The following ATG3 variants were observed in gnomAD, a reference collection of about 807,000 sequenced individuals.
The protein encoded by ATG3 is autophagy related 3.
ATG3 carries 25 observed loss-of-function variants against 50.7 expected under a neutral mutation model. The observed-to-expected ratio is 0.49, with a 90% CI of 0.36 to 0.69. The LOEUF (loss-of-function observed/expected upper bound fraction) is 0.69, where lower values mean the gene tolerates loss of function less well. Ranked by LOEUF, ATG3 falls within the 30% of genes least tolerant of loss-of-function variation. The pLI, the probability that ATG3 is intolerant of heterozygous loss-of-function variation, is 0.00. For missense variants in ATG3, 281 were observed against 376.0 expected (o/e 0.75, Z 2.09); for synonymous variants, 119 against 125.5 (o/e 0.95, Z 0.34).
chr3:112,561,694 G>A lies in ATG3; in HGVS notation c.-166C>T, dbSNP rs576098605. On this transcript the variant is annotated 5_prime_UTR_variant, in exon 1 of 12. Coordinates refer to ENST00000283290, the MANE Select transcript of ATG3 (RefSeq NM_022488.5). ...CGCGACGGGACGGGCGGGACGAGGG[G>A]GCGGGGCGGCAGGCACAGCGCGCGA... is the stretch of plus-strand genomic sequence containing the variant. The A allele has an allele frequency of 5.9e-6, 4 of 680,006 alleles. No homozygotes were observed. The highest frequency in any genetic ancestry group is 3.0e-5 in the East Asian group (1 of 32,940). 42.1% of individuals were successfully genotyped at this position (680,006 alleles called of 1,614,324 possible). A position where few individuals can be genotyped will look rare whatever the true frequency, so the allele number is the denominator to read the frequency against.
chr3:112,539,464 T>G (rs971529415), intron 7 of ATG3, among the ~76,000 whole-genome samples: 6 of 152,224 alleles, frequency 3.9e-5, no homozygotes, highest in African/African-American at 1.4e-4. Flanking sequence ...CTTCCAGGCT[T>G]TATTTAAATG....
chr3:112,561,234 G>A (rs377226619), intron 1 of ATG3, among the ~76,000 whole-genome samples: 1 of 152,160 alleles, frequency 6.6e-6, no homozygotes, highest in Non-Finnish European at 1.5e-5. Flanking sequence ...GAGAAGGCAG[G>A]AACACGCAGA....
intron 7 of ATG3, among the ~76,000 whole-genome samples, chr3:112,539,924 A>C (rs1294260357): frequency 6.6e-6 from 1 of 152,238 alleles, no homozygotes; most frequent in Admixed American, 6.5e-5. Context: ...ATGCTACCCC[A>C]CCACCCCAAC....
At chr3:112,550,725 G>A (rs1270833392) in intron 3 of ATG3, among the ~76,000 whole-genome samples, 1 of 152,150 alleles carries the variant, frequency 6.6e-6, no homozygotes, top group African/African-American at 2.4e-5. Flanking sequence ...CAAAATCCCT[G>A]TTCCTATCAC....
At chr3:112,548,075 C>T (rs899614876) in intron 5 of ATG3, among the ~76,000 whole-genome samples, 14 of 152,080 alleles carry the variant, frequency 9.2e-5, no homozygotes, top group Admixed American at 1.3e-4. Context: ...ATACTCTGGC[C>T]GGGCGCAGTG....
At chr3:112,551,594 T>G (rs1933530937) in intron 3 of ATG3, among the ~76,000 whole-genome samples, 1 of 152,142 alleles carries the variant, frequency 6.6e-6, no homozygotes, top group African/African-American at 2.4e-5. Flanking sequence ...TACAAGCCCC[T>G]ACAACAATGC....
intron 3 of ATG3, among the ~76,000 whole-genome samples, chr3:112,551,109 C>T (rs1933513199): frequency 6.6e-6 from 1 of 152,126 alleles, no homozygotes; most frequent in African/African-American, 2.4e-5. Flanking sequence ...ATTTGTGGGT[C>T]ATCTGAAAAC....
At chr3:112,542,442 C>G (rs1356681228) in intron 6 of ATG3, among the ~76,000 whole-genome samples, 1 of 152,056 alleles carries the variant, frequency 6.6e-6, no homozygotes. Flanking sequence ...GGTTTAACAT[C>G]TGGGTATCGT....
chr3:112,532,688 T>C lies in ATG3; in HGVS notation c.*11A>G, dbSNP rs768277450. ...GAACCAATAATTAGGATAGATTTTATGCTCTCTTCATTACATTGTGAAGTG... is the reference window on the plus strand; with the variant it reads ...GAACCAATAATTAGGATAGATTTTACGCTCTCTTCATTACATTGTGAAGTG... On this transcript the variant is annotated 3_prime_UTR_variant, in exon 12 of 12. Coordinates refer to ENST00000283290, the MANE Select transcript of ATG3 (RefSeq NM_022488.5). 2 of 1,547,228 alleles carry C rather than the reference T, an allele frequency of 1.3e-6. No individual in the cohort carries two copies. Among genetic ancestry groups the C allele is most frequent in the South Asian group, 1.2e-5 (1 of 82,614 alleles).
At position 112,536,613 on chromosome 3, in the gene ATG3, A is replaced by T. The variant is rs1215375386; in HGVS notation, c.667-11T>A. The T allele has an allele frequency of 1.9e-6, 3 of 1,612,058 alleles. No homozygotes were observed. The highest frequency in any genetic ancestry group is 1.7e-5 in the Admixed American group (1 of 60,004). ...TAAAGGCTGCCGTTGCTGAAAGCATAAAAAATGCTTTGAAATTACTATTTA... is the reference window on the plus strand; with the variant it reads ...TAAAGGCTGCCGTTGCTGAAAGCATTAAAAATGCTTTGAAATTACTATTTA... On this transcript the variant is annotated splice_polypyrimidine_tract_variant and intron_variant, in intron 9 of 11. Coordinates refer to ENST00000283290, the MANE Select transcript of ATG3 (RefSeq NM_022488.5).
chr3:112,534,204 A>C, intron 11 of ATG3, 65 bp downstream of exon 11: 1 of 1,499,808 alleles, frequency 6.7e-7, no homozygotes, highest in Non-Finnish European at 9.0e-7. Context: ...GGTTACACTA[A>C]ATTTCTCAAA....
intron 5 of ATG3, among the ~76,000 whole-genome samples, chr3:112,545,793 G>T (rs1356572318): frequency 1.3e-5 from 2 of 152,116 alleles, no homozygotes; most frequent in Non-Finnish European, 2.9e-5. Flanking sequence ...ACTCTAAAGG[G>T]TTATGGTAAT....
At chr3:112,533,028 A>C in intron 11 of ATG3, 1 of 1,120,264 alleles carries the variant, frequency 8.9e-7, no homozygotes, top group Non-Finnish European at 1.1e-6. Context: ...TCATATAAGC[A>C]CAATTACTTT....
chr3:112,557,760 G>A (rs759213792), intron 2 of ATG3, among the ~76,000 whole-genome samples: 6 of 151,854 alleles, frequency 4.0e-5, no homozygotes, highest in African/African-American at 7.3e-5. Flanking sequence ...GGCTTAAAAC[G>A]TTTGTTTCAA....
intron 6 of ATG3, among the ~76,000 whole-genome samples, chr3:112,543,336 G>A (rs1041149914): frequency 5.3e-5 from 8 of 151,916 alleles, no homozygotes; most frequent in African/African-American, 1.2e-4. Context: ...AGACAACTGC[G>A]GTTGATCTCT....
In ATG3 at chr3:112,541,893, T is replaced by G. The variant is rs1221000967; in HGVS notation, c.394-9A>C. ...TGAAGCCTTATATTGTCCTTTGAAA[T>G]TAATTATATTTAAAATCACTTAAGT... On this transcript the variant is annotated splice_polypyrimidine_tract_variant and intron_variant, in intron 6 of 11. Transcript: ENST00000283290. The G allele has an allele frequency of 6.3e-7, 1 of 1,595,776 alleles. No homozygotes were observed. The highest frequency in any genetic ancestry group is 8.6e-7 in the Non-Finnish European group (1 of 1,167,056).
At chr3:112,544,551 G>C (rs1387926637) in intron 5 of ATG3, among the ~76,000 whole-genome samples, 2 of 151,228 alleles carry the variant, frequency 1.3e-5, no homozygotes, top group Admixed American at 6.6e-5. Context: ...CTACTTGGGA[G>C]GCTGAGACAG....
intron 3 of ATG3, among the ~76,000 whole-genome samples, chr3:112,553,042 T>A (rs528992725): frequency 1.3e-5 from 2 of 152,322 alleles, no homozygotes; most frequent in African/African-American, 4.8e-5. Context: ...GTAAAGGAAG[T>A]AAATGCATTT....
chr3:112,549,885 G>A (rs1933483103), intron 4 of ATG3, among the ~76,000 whole-genome samples: 1 of 151,064 alleles, frequency 6.6e-6, no homozygotes, highest in Non-Finnish European at 1.5e-5. Flanking sequence ...CGTCAGCTCT[G>A]AGCTTTTAGA....
Sources: allele counts gnomAD v4.1 joint callset (sites outside exome capture counted in the v4.1 genomes callset), GRCh38; gene constraint gnomAD v4.1.1; transcripts MANE v1.5; gene names NCBI Gene and HGNC (gene_info 2026-07-23, HGNC 2026-07-21).